The following LMO2 variants were observed in gnomAD, a reference collection of about 807,000 sequenced individuals.
LMO2 encodes rhombotin-2.
LMO2 carries 20 observed loss-of-function variants against 23.2 expected under a neutral mutation model. That is an observed-to-expected ratio of 0.86 (90% confidence interval 0.61 to 1.25). The LOEUF (loss-of-function observed/expected upper bound fraction) is 1.25. LMO2 is among the 50% of genes most tolerant of loss of function. The probability of loss-of-function intolerance (pLI) is 0.00; values close to 1 mark genes in which losing one functional copy is unlikely to be tolerated. For synonymous variants in LMO2, 123 were observed against 130.2 expected, an observed-to-expected ratio of 0.94 and a Z score of 0.38; for missense variants, 270 against 315.3, an observed-to-expected ratio of 0.86 and a Z score of 1.09.
At chr11:33,870,655 T>G (rs1590642153) in intron 2 of LMO2, 1 of 822,286 alleles carries the variant, frequency 1.2e-6, no homozygotes, top group South Asian at 5.5e-5. Context: ...AGTCGGCTGG[T>G]GGCGGAATCC....
intron 1 of LMO2, among the ~76,000 whole-genome samples, chr11:33,882,990 G>A (rs1197734330): frequency 1.3e-5 from 2 of 152,168 alleles, no homozygotes; most frequent in Admixed American, 6.5e-5. Context: ...AACCTCAGAA[G>A]GCCTTTCCCT....
chr11:33,881,257 G>C (rs1371454274), intron 2 of LMO2: 1 of 456,960 alleles, frequency 2.2e-6, no homozygotes. Flanking sequence ...CATTGCAGAA[G>C]GCCGCCTTGG....
At chr11:33,861,323 G>A (rs1338393363) in intron 5 of LMO2, among the ~76,000 whole-genome samples, 1 of 152,176 alleles carries the variant, frequency 6.6e-6, no homozygotes, top group East Asian at 1.9e-4. Flanking sequence ...AGAATCAGTG[G>A]GTACATTCTG....
chr11:33,879,706 C>T (rs1482821444), intron 2 of LMO2, among the ~76,000 whole-genome samples: 1 of 152,036 alleles, frequency 6.6e-6, no homozygotes, highest in African/African-American at 2.4e-5. Context: ...CTTGAATCTC[C>T]ATTTCTCCAA....
At chr11:33,870,341 C>T (rs993462714) in intron 2 of LMO2, 6 of 983,110 alleles carry the variant, frequency 6.1e-6, no homozygotes, top group African/African-American at 1.7e-5. Context: ...AAATAAGCAC[C>T]TACAGAAATG....
At chr11:33,883,669 G>A (rs1322169485) in intron 1 of LMO2, among the ~76,000 whole-genome samples, 1 of 152,110 alleles carries the variant, frequency 6.6e-6, no homozygotes, top group East Asian at 1.9e-4. Context: ...GCGATTATCT[G>A]GAAACTTCCT....
chr11:33,887,091 C>G (rs564265469), intron 1 of LMO2, among the ~76,000 whole-genome samples: 23 of 152,346 alleles, frequency 1.5e-4, no homozygotes, highest in African/African-American at 5.1e-4. Flanking sequence ...GAACCTGGGA[C>G]TCTTGTCAGA....
At chr11:33,876,405 A>C (rs1857139564) in intron 2 of LMO2, among the ~76,000 whole-genome samples, 1 of 152,218 alleles carries the variant, frequency 6.6e-6, no homozygotes, top group Non-Finnish European at 1.5e-5. Context: ...GCTGGCCCTC[A>C]ATAAATATTC....
Position 33,869,502 on chromosome 11 carries a change from T to C in LMO2, c.92A>G (p.Asp31Gly), listed in dbSNP as rs1422800053. The C allele has an allele frequency of 3.7e-5, 44 of 1,196,888 alleles. No individual in the cohort carries two copies. Among genetic ancestry groups the C allele is most frequent in the Middle Eastern group, 3.3e-4 (1 of 3,044 alleles). The allele number at this position is 1,196,888 out of a possible 1,614,324, so 74.1% of individuals were successfully genotyped here. Residue 31 changes from aspartate (D) to glycine (G), a missense_variant, in exon 4 of 6, where the codon GAC becomes GGC. Around this residue, in one of 2 missense-constraint regions of LMO2, gnomAD observed 170 missense variants for 162.0 expected, o/e 1.05. Transcript: ENST00000257818. ...TCGGGCGCCGCCGCCGCCGCCGCCG[T>C]CGCCGCCGCTCCTGCGCCTCCGCTT... ...RSKRRRRSGG[D>G]GGGGGGARAP... is the part of the protein sequence containing the mutation.
chr11:33,873,628 T>A (rs760680144), intron 2 of LMO2, among the ~76,000 whole-genome samples: 1 of 152,194 alleles, frequency 6.6e-6, no homozygotes, highest in Non-Finnish European at 1.5e-5. Context: ...AAAATCTCTA[T>A]TTGATCCCTG....
Position 33,859,180 on chromosome 11 carries a change from C to A in LMO2, c.*176G>T. The A allele has an allele frequency of 1.7e-6, 1 of 577,720 alleles. No homozygotes were observed. The highest frequency in any genetic ancestry group is 3.1e-6 in the Non-Finnish European group (1 of 321,068). The allele number at this position is 577,720 out of a possible 1,614,324, so 35.8% of individuals were successfully genotyped here. On this transcript the variant is annotated 3_prime_UTR_variant, in exon 6 of 6. Coordinates refer to ENST00000257818, the MANE Select transcript of LMO2 (RefSeq NM_005574.4). ...TCCTTCTGTCACCTTGAAGTGTCAG[C>A]CCCTGAATTATGCCACTTGGATGCT... is the stretch of plus-strand genomic sequence containing the variant.
In LMO2 at chr11:33,871,287, T is replaced by A. The variant is rs532510391; in HGVS notation, c.-271-1300A>T. Reference sequence around the variant, plus strand: ...GCAAATTTTTGTCCTAGTGGAGACTTCAGTATACAAAAAGACTTTTTCGGC... The same window carrying A: ...GCAAATTTTTGTCCTAGTGGAGACTACAGTATACAAAAAGACTTTTTCGGC... On this transcript the variant is annotated intron_variant, in intron 2 of 5. Transcript: ENST00000257818. Among the ~76,000 whole-genome samples, 100 of 151,428 alleles carry A rather than the reference T, an allele frequency of 6.6e-4. 1 individual carries two copies. The highest frequency in any genetic ancestry group is 1.3e-3 in the Admixed American group (19 of 15,186).
At chr11:33,885,168 A>G (rs1232216670) in intron 1 of LMO2, among the ~76,000 whole-genome samples, 1 of 152,196 alleles carries the variant, frequency 6.6e-6, no homozygotes, top group Non-Finnish European at 1.5e-5. Context: ...GGTATTTGGG[A>G]CGTCAGGAAG....
Position 33,870,408 on chromosome 11 carries a change from A to T in LMO2, c.-271-421T>A, listed in dbSNP as rs531191747. 17 of 985,566 alleles carry T rather than the reference A, an allele frequency of 1.7e-5. No individual in the cohort carries two copies. In the East Asian group the frequency reaches 1.7e-3, roughly 99 times the overall value. 61.1% of individuals were successfully genotyped at this position (985,566 alleles called of 1,614,324 possible). ...CAGGTTCGAGGTCCCAGGTCCACGG[A>T]CGCCGTGCACTGGGATGCCCCGGAC... is the stretch of plus-strand genomic sequence containing the variant. On this transcript the variant is annotated intron_variant, in intron 2 of 5. Transcript: ENST00000257818.
Position 33,869,792 on chromosome 11 carries a change from T to G in LMO2, c.-76A>C. 5 of 1,132,976 alleles carry G rather than the reference T, an allele frequency of 4.4e-6. No homozygotes were observed. The highest frequency in any genetic ancestry group is 5.4e-6 in the Non-Finnish European group (5 of 925,340). 70.2% of individuals were successfully genotyped at this position (1,132,976 alleles called of 1,614,324 possible). ...CTCCGCGCCGCCCGCGGGGATGGTG[T>G]GCGCCCGCCCGGCCGCCCGGAGCCC... On this transcript the variant is annotated 5_prime_UTR_variant, in exon 3 of 6. Coordinates refer to ENST00000257818, the MANE Select transcript of LMO2 (RefSeq NM_005574.4).
intron 1 of LMO2, among the ~76,000 whole-genome samples, chr11:33,884,404 G>A (rs1450042691): frequency 6.6e-6 from 1 of 152,108 alleles, no homozygotes; most frequent in African/African-American, 2.4e-5. Flanking sequence ...GGGCTGAGTG[G>A]GTGGTGAGGG....
chr11:33,861,558 G>A lies in LMO2; in HGVS notation c.465-1983C>T, dbSNP rs184676354. On this transcript the variant is annotated intron_variant, in intron 5 of 5. Transcript: ENST00000257818. The stretch of plus-strand genomic sequence containing the variant: ...GGGGAGAACATTTTATCCCAACGTA[G>A]CAGATGGTGGAGCTGCAGGTAACCG... Among the ~76,000 whole-genome samples, 17 of 152,316 alleles carry A rather than the reference G, an allele frequency of 1.1e-4. No homozygotes were observed. In the East Asian group the frequency reaches 3.3e-3, roughly 29 times the overall value.
intron 1 of LMO2, among the ~76,000 whole-genome samples, chr11:33,887,837 G>A (rs1473577831): frequency 6.6e-6 from 1 of 152,164 alleles, no homozygotes; most frequent in Non-Finnish European, 1.5e-5. Flanking sequence ...GCCTCCCAAA[G>A]TGATGGGATT....
Position 33,890,511 on chromosome 11 carries a change from G to A in LMO2, c.-336+1284C>T, listed in dbSNP as rs752652321. Among the ~76,000 whole-genome samples the A allele has an allele frequency of 1.2e-4, 18 of 151,962 alleles. No homozygotes were observed. In the East Asian group the frequency reaches 1.9e-3, roughly 16 times the overall value. On this transcript the variant is annotated intron_variant, in intron 1 of 5. Transcript: ENST00000257818. The stretch of plus-strand genomic sequence containing the variant: ...GGATTACAGGGATGAGCCACCACGC[G>A]TGGCTAATTTTCATATTTTTAGTAG...
Sources: allele counts gnomAD v4.1 joint callset (sites outside exome capture counted in the v4.1 genomes callset), GRCh38; gene constraint gnomAD v4.1.1; regional missense constraint gnomAD v4.1.1; transcripts MANE v1.5; gene names NCBI Gene and HGNC (gene_info 2026-07-23, HGNC 2026-07-21).